SMARCD2: variants seen among roughly 807,000 people sequenced by gnomAD.
SMARCD2 encodes SWI/SNF related BAF chromatin remodeling complex subunit D2, also known as SWI/SNF-related matrix-associated actin-dependent regulator of chromatin subfamily D member 2.
SMARCD2 carries 39 observed loss-of-function variants against 70.4 expected under a neutral mutation model. The ratio of observed to expected loss-of-function variants is 0.55; its 90% confidence interval spans 0.43 to 0.72. The LOEUF (loss-of-function observed/expected upper bound fraction) is 0.72. Among genes scored for constraint, SMARCD2 ranks in the 30% least tolerant of loss-of-function variants. SMARCD2 has a pLI of 0.00. For synonymous variants in SMARCD2, 249 were observed against 279.4 expected (o/e 0.89, Z 1.08); for missense variants, 540 against 713.4 (o/e 0.76, Z 2.77).
chr17:63,834,389 G>A lies in SMARCD2; in HGVS notation c.922-61C>T. ...TATAGTAGAACAGTGGGAAAATAGG[G>A]CAGGGACAGGAAGGGTTTCTAGGAA... is the stretch of plus-strand genomic sequence containing the variant. On this transcript the variant is annotated intron_variant, in intron 7 of 12. Transcript: ENST00000448276. The surrounding 1 kb of genome is among the most constrained non-coding windows in gnomAD (Gnocchi z 5.6). 6.3e-7 allele frequency: 1 copy of A among 1,579,776 alleles called. No individual in the cohort carries two copies. The highest frequency in any genetic ancestry group is 1.1e-5 in the South Asian group (1 of 88,606).
Position 63,834,262 on chromosome 17 carries a change from C to T in SMARCD2, c.988G>A (p.Ala330Thr), listed in dbSNP as rs1305640240. 1.2e-5 allele frequency: 19 copies of T among 1,610,228 alleles called. No homozygotes were observed. The highest frequency in any genetic ancestry group is 2.7e-5 in the African/African-American group (2 of 74,852). Residue 330 changes from alanine to threonine, a missense_variant, in exon 8 of 13, where the codon GCC (alanine) becomes ACC (threonine). Transcript: ENST00000448276. The surrounding 1 kb of genome is among the most constrained non-coding windows in gnomAD (Gnocchi z 5.6). ...TAAAGCCACAGGGCCTGCATGATGG[C>T]GGCCCTCGTCTGCGTGTGCACTCCC... Reference protein sequence around the residue: ...LLGVHTQTRAAIMQALWLYIK... With the variant: ...LLGVHTQTRATIMQALWLYIK...
rs777161423 is a variant in SMARCD2, at chr17:63,833,284, A to G, written c.1440+14T>C. The stretch of plus-strand genomic sequence containing the variant: ...AGCTTTACATAGGAGTCCCCTCGGG[A>G]AAGAGGACTACACCTTGAGGTCTCG... On this transcript the variant is annotated intron_variant, in intron 11 of 12. Coordinates refer to ENST00000448276, the MANE Select transcript of SMARCD2 (RefSeq NM_001098426.2). This position sits in a 1 kb window ranked among gnomAD's most constrained non-coding sequence, Gnocchi z 4.3. The G allele has an allele frequency of 6.2e-7, 1 of 1,613,946 alleles. No individual in the cohort carries two copies. Among genetic ancestry groups the G allele is most frequent in the South Asian group, 1.1e-5 (1 of 91,074 alleles).
chr17:63,842,429 C>G, intron 1 of SMARCD2, 30 bp downstream of exon 1: 1 of 1,342,144 alleles, frequency 7.5e-7, no homozygotes, highest in Non-Finnish European at 9.6e-7. Flanking sequence ...GCGCCTCTCG[C>G]CCCCGTCCGC....
intron 5 of SMARCD2, chr17:63,835,083 T>A (rs1445794390): frequency 1.9e-6 from 1 of 530,722 alleles, no homozygotes; most frequent in African/African-American, 1.9e-5. Context: ...AGCGCCCCCC[T>A]CCCTATGGCA....
At position 63,834,953 on chromosome 17, in the gene SMARCD2, A is replaced by C; in HGVS notation, c.724-153T>G. The C allele has an allele frequency of 1.6e-6, 1 of 618,014 alleles. No homozygotes were observed. Among genetic ancestry groups the C allele is most frequent in the Non-Finnish European group, 2.9e-6 (1 of 350,458 alleles). The allele number at this position is 618,014 out of a possible 1,614,324, so 38.3% of individuals were successfully genotyped here. On this transcript the variant is annotated intron_variant, in intron 5 of 12. Coordinates refer to ENST00000448276, the MANE Select transcript of SMARCD2 (RefSeq NM_001098426.2). The surrounding 1 kb of genome is among the most constrained non-coding windows in gnomAD (Gnocchi z 5.6). The stretch of plus-strand genomic sequence containing the variant: ...AGGATGGAAGCAGGACTCTGGGCAG[A>C]CTGGAGGCAGGGAAATGGTGCCCTC...
Position 63,833,446 on chromosome 17 carries a change from G to C in SMARCD2, c.1318-26C>G. 1 of 1,613,062 alleles carries C rather than the reference G, an allele frequency of 6.2e-7. No individual in the cohort carries two copies. Among genetic ancestry groups the C allele is most frequent in the Non-Finnish European group, 8.5e-7 (1 of 1,179,300 alleles). Reference sequence around the variant, plus strand: ...CTGGAGAGGGTACCTGTGTCAGACTGTGCCCCCAAAGCTTACATGCAAGCA... The same window carrying C: ...CTGGAGAGGGTACCTGTGTCAGACTCTGCCCCCAAAGCTTACATGCAAGCA... On this transcript the variant is annotated intron_variant, in intron 10 of 12. Transcript: ENST00000448276. This position sits in a 1 kb window ranked among gnomAD's most constrained non-coding sequence, Gnocchi z 4.3.
rs1904349746 is a variant in SMARCD2 at position 63,839,338 on chromosome 17, C to T, written c.217-1713G>A. The T allele has an allele frequency of 1.9e-5, 10 of 522,586 alleles. 1 individual carries two copies. The South Asian group carries it at 6.7e-4, about 35-fold the overall frequency. 32.4% of individuals were successfully genotyped at this position (522,586 alleles called of 1,614,324 possible). A position where few individuals can be genotyped will look rare whatever the true frequency, so the allele number is the denominator to read the frequency against. ...CCTGCTGCAGTGTTCACAAAACCTG[C>T]AGCACCACCCATCCCTCCTGGGCAG... On this transcript the variant is annotated intron_variant, in intron 1 of 12. Transcript: ENST00000448276.
At chr17:63,842,152 T>C (rs1437861702) in intron 1 of SMARCD2, among the ~76,000 whole-genome samples, 1 of 152,012 alleles carries the variant, frequency 6.6e-6, no homozygotes, top group African/African-American at 2.4e-5. Flanking sequence ...TACCCTAGAC[T>C]TCTCAACCCA....
rs147427461 is a variant in SMARCD2 at position 63,834,180 on chromosome 17, C to G, written c.1070G>C (p.Arg357Pro). ...GHEREYINCNRYFRQIFSCGR... is the reference protein window; with the variant it reads ...GHEREYINCNPYFRQIFSCGR... The stretch of plus-strand genomic sequence containing the variant: ...CATCTGGCTAACCTGGCGGAAGTAA[C>G]GGTTGCAGTTGATGTACTCCCGCTC... The change falls in exon 8 of 13, where the codon CGT becomes CCT. Residue 357 changes from arginine (R) to proline (P), a missense_variant. Coordinates refer to ENST00000448276, the MANE Select transcript of SMARCD2 (RefSeq NM_001098426.2). This position sits in a 1 kb window ranked among gnomAD's most constrained non-coding sequence, Gnocchi z 5.6. 9 of 1,608,194 alleles carry G rather than the reference C, an allele frequency of 5.6e-6. No individual in the cohort carries two copies. The East Asian group carries it at 2.0e-4, about 36-fold the overall frequency.
chr17:63,835,882 C>A (rs1195956943), intron 4 of SMARCD2, among the ~76,000 whole-genome samples: 1 of 152,094 alleles, frequency 6.6e-6, no homozygotes, highest in Non-Finnish European at 1.5e-5. Flanking sequence ...GTGCGCACCA[C>A]CATGCCCAGC....
In SMARCD2 at chr17:63,837,072, G is replaced by C; in HGVS notation, c.445-28C>G. The C allele has an allele frequency of 1.2e-6, 2 of 1,612,820 alleles. No individual in the cohort carries two copies. The highest frequency in any genetic ancestry group is 1.7e-6 in the Non-Finnish European group (2 of 1,178,810). On this transcript the variant is annotated intron_variant, in intron 3 of 12. Coordinates refer to ENST00000448276, the MANE Select transcript of SMARCD2 (RefSeq NM_001098426.2). The surrounding 1 kb of genome is among the most constrained non-coding windows in gnomAD (Gnocchi z 6.4). Reference sequence around the variant, plus strand: ...GAAGGAAGGTAGCAGAAGCTCATCAGCTTGCTTCAGCCAAAGCCTGGCTCT... The same window carrying C: ...GAAGGAAGGTAGCAGAAGCTCATCACCTTGCTTCAGCCAAAGCCTGGCTCT...
chr17:63,833,738 G>T lies in SMARCD2; in HGVS notation c.1182-16C>A. 6.2e-7 allele frequency: 1 copy of T among 1,613,942 alleles called. No homozygotes were observed. ...AGGGTCGACACTGCAGGCAGCACAT[G>T]GGGAGGGAAGGCACATAGCTGACTT... On this transcript the variant is annotated splice_polypyrimidine_tract_variant and intron_variant, in intron 9 of 12. Coordinates refer to ENST00000448276, the MANE Select transcript of SMARCD2 (RefSeq NM_001098426.2). This position sits in a 1 kb window ranked among gnomAD's most constrained non-coding sequence, Gnocchi z 4.3.
At chr17:63,835,650 T>C in intron 4 of SMARCD2, 83 bp from the exon 5 acceptor site, 1 of 1,386,124 alleles carries the variant, frequency 7.2e-7, no homozygotes, top group Non-Finnish European at 1.0e-6. Context: ...TATGAACCAT[T>C]CAACAATCAG....
In SMARCD2 at chr17:63,837,113, T is replaced by G; in HGVS notation, c.445-69A>C. The G allele has an allele frequency of 6.2e-7, 1 of 1,612,792 alleles. No individual in the cohort carries two copies. ...GCCTGGCTCTTTCCTCCCTTCCTGC[T>G]GCAGCCCAGCTTTGAGAGAGATGGA... On this transcript the variant is annotated intron_variant, in intron 3 of 12. Coordinates refer to ENST00000448276, the MANE Select transcript of SMARCD2 (RefSeq NM_001098426.2). This position sits in a 1 kb window ranked among gnomAD's most constrained non-coding sequence, Gnocchi z 6.4.
intron 1 of SMARCD2, chr17:63,839,111 AAGAC>A (rs1904338571): frequency 1.0e-6 from 1 of 985,232 alleles, no homozygotes; most frequent in African/African-American, 1.7e-5. Context: ...TGAAAGGCAA[AAGAC>A]AGCCTCTTTC....
chr17:63,834,440 G>A lies in SMARCD2; in HGVS notation c.921+34C>T, dbSNP rs368736940. 40 of 1,556,160 alleles carry A rather than the reference G, an allele frequency of 2.6e-5. No individual in the cohort carries two copies. Among genetic ancestry groups the A allele is most frequent in the Non-Finnish European group, 3.2e-5 (37 of 1,141,736 alleles). ...CCAGCTCCCCTCCTGAGGGGTCCCT[G>A]TGGGCCCAGAAATGACCCCAGGGTC... On this transcript the variant is annotated intron_variant, in intron 7 of 12. Coordinates refer to ENST00000448276, the MANE Select transcript of SMARCD2 (RefSeq NM_001098426.2). The surrounding 1 kb of genome is among the most constrained non-coding windows in gnomAD (Gnocchi z 5.6).
At chr17:63,835,130 C>CTT in intron 5 of SMARCD2, 1 of 521,872 alleles carries the variant, frequency 1.9e-6, no homozygotes, top group Non-Finnish European at 3.4e-6. Flanking sequence ...CTGGCCCAGT[C>CTT]TTTTTTTTTC....
rs1395103741 is a variant in SMARCD2, at chr17:63,837,080, C to T, written c.445-36G>A. 1.2e-6 allele frequency: 2 copies of T among 1,612,634 alleles called. No individual in the cohort carries two copies. Among genetic ancestry groups the T allele is most frequent in the East Asian group, 2.2e-5 (1 of 44,842 alleles). On this transcript the variant is annotated intron_variant, in intron 3 of 12. Transcript: ENST00000448276. This position sits in a 1 kb window ranked among gnomAD's most constrained non-coding sequence, Gnocchi z 6.4. ...GTAGCAGAAGCTCATCAGCTTGCTT[C>T]AGCCAAAGCCTGGCTCTTTCCTCCC...
At chr17:63,838,532 G>C (rs865905135) in intron 1 of SMARCD2, 1 of 1,231,692 alleles carries the variant, frequency 8.1e-7, no homozygotes, top group Middle Eastern at 2.0e-4. Flanking sequence ...GGGAGGCAAG[G>C]ATAGAGGCCC....
Sources: allele counts gnomAD v4.1 joint callset (sites outside exome capture counted in the v4.1 genomes callset), GRCh38; gene constraint gnomAD v4.1.1; non-coding constraint Gnocchi (gnomAD v3.1); transcripts MANE v1.5; gene names NCBI Gene and HGNC (gene_info 2026-07-23, HGNC 2026-07-21).